RAB8B: variants seen among roughly 807,000 people sequenced by gnomAD.
RAB8B encodes the protein ras-related protein Rab-8B.
In RAB8B, 11 loss-of-function variants were observed where a neutral mutation model predicts 32.0. That is an observed-to-expected ratio of 0.34 (90% CI 0.22 to 0.57). The LOEUF (loss-of-function observed/expected upper bound fraction) is 0.57. RAB8B is among the 20% of genes least tolerant of loss of function. RAB8B has a pLI of 0.86. For synonymous variants in RAB8B, 103 were observed against 89.6 expected (o/e 1.15, Z -0.85); for missense variants, 190 against 258.5 (o/e 0.73, Z 1.82).
intron 1 of RAB8B, among the ~76,000 whole-genome samples, chr15:63,225,637 A>AG (rs113678722): frequency 0.057 from 8,668 of 152,228 alleles, 763 homozygotes; most frequent in African/African-American, 0.19. Flanking sequence ...TCTTTAGCAA[A>AG]GACACCAGTA....
chr15:63,259,481 G>A lies in RAB8B; in HGVS notation c.415-146G>A. The A allele has an allele frequency of 3.1e-6, 2 of 637,772 alleles. No homozygotes were observed. The highest frequency in any genetic ancestry group is 5.4e-6 in the Non-Finnish European group (2 of 368,398). 39.5% of individuals were successfully genotyped at this position (637,772 alleles called of 1,614,324 possible). On this transcript the variant is annotated intron_variant, in intron 5 of 7. Coordinates refer to ENST00000321437, the MANE Select transcript of RAB8B (RefSeq NM_016530.3). The surrounding 1 kb of genome is among the most constrained non-coding windows in gnomAD (Gnocchi z 4.4). ...GTTAAATTATTAAATTCTGAATACAGTAGAAGAAAGCAAAGAAATTTGAGA... is the reference window on the plus strand; with the variant it reads ...GTTAAATTATTAAATTCTGAATACAATAGAAGAAAGCAAAGAAATTTGAGA...
chr15:63,202,257 G>T (rs922019153), intron 1 of RAB8B, among the ~76,000 whole-genome samples: 1 of 149,000 alleles, frequency 6.7e-6, no homozygotes, highest in Non-Finnish European at 1.5e-5. Context: ...CAGCCAGGGC[G>T]ACAGAGCGAG....
chr15:63,257,594 AC>A (rs1485246765), intron 5 of RAB8B, among the ~76,000 whole-genome samples: 1 of 152,060 alleles, frequency 6.6e-6, no homozygotes, highest in Non-Finnish European at 1.5e-5. Context: ...CTGACTGTGA[AC>A]TTTTGCTGCA....
intron 6 of RAB8B, 82 bp from the exon 7 acceptor site, chr15:63,262,610 G>A: frequency 8.8e-6 from 4 of 453,792 alleles, no homozygotes; most frequent in Non-Finnish European, 1.3e-5. Flanking sequence ...TGAGGCGGGG[G>A]GAATATATAT....
intron 1 of RAB8B, among the ~76,000 whole-genome samples, chr15:63,195,053 T>C (rs1299833824): frequency 1.3e-5 from 2 of 152,364 alleles, no homozygotes; most frequent in African/African-American, 2.4e-5. Context: ...CTGAGCATAA[T>C]CCAGATACGT....
At chr15:63,202,143 T>G (rs2141110259) in intron 1 of RAB8B, among the ~76,000 whole-genome samples, 2 of 141,634 alleles carry the variant, frequency 1.4e-5, no homozygotes, top group African/African-American at 2.7e-5. Context: ...CTGGGCGTGG[T>G]GGCAGGCACC....
chr15:63,251,107 T>TAAGGCTGAAGTGAACAA (rs2038113735), intron 3 of RAB8B, among the ~76,000 whole-genome samples: 2 of 152,226 alleles, frequency 1.3e-5, no homozygotes, highest in South Asian at 4.1e-4. Flanking sequence ...CTAACCATTT[T>TAAGGCTGAAGTGAACAA]ATGTGTATTT....
In RAB8B at chr15:63,195,506, G is replaced by A. The variant is rs1180806993; in HGVS notation, c.124+5758G>A. Among the ~76,000 whole-genome samples, 4 of 152,234 alleles carry A rather than the reference G, an allele frequency of 2.6e-5. No homozygotes were observed. In the East Asian group the frequency reaches 7.7e-4, roughly 29 times the overall value. On this transcript the variant is annotated intron_variant, in intron 1 of 7. Coordinates refer to ENST00000321437, the MANE Select transcript of RAB8B (RefSeq NM_016530.3). ...AGATTGTTTGGATCCACTGAGAAAA[G>A]CTGGAGGGAAATAGGTTTAGATATT...
chr15:63,239,119 A>G (rs962848850), intron 1 of RAB8B, among the ~76,000 whole-genome samples: 4 of 152,154 alleles, frequency 2.6e-5, no homozygotes, highest in Admixed American at 2.6e-4. Context: ...CCCATTCACC[A>G]CTGGACTTGT....
intron 1 of RAB8B, among the ~76,000 whole-genome samples, chr15:63,228,967 A>G (rs2037911012): frequency 6.6e-6 from 1 of 152,250 alleles, no homozygotes; most frequent in South Asian, 2.1e-4. Flanking sequence ...ACATAGCTAT[A>G]TAATTGTTTT....
At chr15:63,194,392 G>A (rs2037584105) in intron 1 of RAB8B, among the ~76,000 whole-genome samples, 2 of 152,148 alleles carry the variant, frequency 1.3e-5, no homozygotes, top group South Asian at 4.1e-4. Context: ...TTGCACATAC[G>A]CCTTTATGTG....
intron 1 of RAB8B, among the ~76,000 whole-genome samples, chr15:63,194,814 A>G (rs2037587136): frequency 6.6e-6 from 1 of 152,226 alleles, no homozygotes; most frequent in South Asian, 2.1e-4. Context: ...TGGTTTTTAT[A>G]TTTTAAAGGT....
At chr15:63,252,851 C>A (rs1010614129) in intron 3 of RAB8B, among the ~76,000 whole-genome samples, 4 of 151,460 alleles carry the variant, frequency 2.6e-5, no homozygotes, top group African/African-American at 9.7e-5. Context: ...TGGGTTCAAG[C>A]GATTCTCCTG....
At chr15:63,202,887 C>T (rs192978810) in intron 1 of RAB8B, among the ~76,000 whole-genome samples, 1 of 152,174 alleles carries the variant, frequency 6.6e-6, no homozygotes, top group Non-Finnish European at 1.5e-5. Flanking sequence ...CAGAGAAACC[C>T]GAGCAACTCA....
At chr15:63,261,401 C>T (rs753738834) in intron 6 of RAB8B, among the ~76,000 whole-genome samples, 1 of 152,206 alleles carries the variant, frequency 6.6e-6, no homozygotes, top group Non-Finnish European at 1.5e-5. Flanking sequence ...CCAGCAGTCT[C>T]ACTACTGAGT....
At position 63,239,718 on chromosome 15, in the gene RAB8B, A is replaced by G. The variant is rs149715266; in HGVS notation, c.125-5038A>G. On this transcript the variant is annotated intron_variant, in intron 1 of 7. Transcript: ENST00000321437. ...CCACCGCACCTGGCCAAATTTCCAA[A>G]GTTTTTAAAGCCATCTTTACCCTTA... Among the ~76,000 whole-genome samples the G allele has an allele frequency of 1.4e-3, 209 of 152,200 alleles. 1 individual carries two copies. Among genetic ancestry groups the G allele is most frequent in the African/African-American group, 4.9e-3 (203 of 41,534 alleles).
intron 1 of RAB8B, among the ~76,000 whole-genome samples, chr15:63,192,602 G>A (rs1187674713): frequency 6.6e-6 from 1 of 152,200 alleles, no homozygotes; most frequent in Non-Finnish European, 1.5e-5. Context: ...ATATGTATGG[G>A]TGTCTGTTTC....
chr15:63,246,324 T>G (rs2038071944), intron 2 of RAB8B, among the ~76,000 whole-genome samples: 1 of 152,188 alleles, frequency 6.6e-6, no homozygotes, highest in Non-Finnish European at 1.5e-5. Flanking sequence ...ATTTTCAGAT[T>G]AGGGATACTC....
intron 1 of RAB8B, among the ~76,000 whole-genome samples, chr15:63,211,636 A>G (rs949037150): frequency 3.3e-5 from 5 of 152,316 alleles, no homozygotes; most frequent in East Asian, 1.9e-4. Flanking sequence ...ATTAACTTCC[A>G]GTTAAATCCA....
Sources: gnomAD v4.1 joint callset for allele counts (sites outside exome capture counted in the v4.1 genomes callset) on GRCh38, gnomAD v4.1.1 for gene constraint, Gnocchi (gnomAD v3.1) non-coding constraint, MANE v1.5 for transcripts, NCBI Gene and HGNC (gene_info 2026-07-23, HGNC 2026-07-21) for gene names.